The following ARMC3 variants were observed in gnomAD, a reference collection of about 807,000 sequenced individuals.
ARMC3 encodes armadillo repeat containing 3.
ARMC3 carries 74 observed loss-of-function variants against 90.3 expected under a neutral mutation model. The observed-to-expected ratio is 0.82, with a 90% CI of 0.68 to 0.99. ARMC3 has a LOEUF of 0.99. Ranked by LOEUF, ARMC3 falls within the 50% of genes least tolerant of loss-of-function variation. The pLI is 0.00. For missense variants in ARMC3, 958 were observed against 1,042.8 expected (o/e 0.92, Z 1.12); for synonymous variants, 334 against 361.8 (o/e 0.92, Z 0.87).
At chr10:22,966,383 A>G (rs530153635) in intron 7 of ARMC3, among the ~76,000 whole-genome samples, 1 of 152,322 alleles carries the variant, frequency 6.6e-6, no homozygotes, top group East Asian at 1.9e-4. Flanking sequence ...CACCTAGCAC[A>G]GCTCCCTCTT....
At chr10:23,019,741 C>A (rs12773873) in intron 16 of ARMC3, among the ~76,000 whole-genome samples, 10,236 of 151,986 alleles carry the variant, frequency 0.067, 380 homozygotes, top group South Asian at 0.088. Context: ...TGTAAGGTTT[C>A]GCCATGTTGC....
At chr10:22,978,497 G>A (rs1225831533) in intron 8 of ARMC3, among the ~76,000 whole-genome samples, 1 of 152,144 alleles carries the variant, frequency 6.6e-6, no homozygotes, top group Non-Finnish European at 1.5e-5. Flanking sequence ...TACGAGAACT[G>A]CAATTCAAGA....
At chr10:22,939,572 T>C (rs1310953574) in intron 2 of ARMC3, among the ~76,000 whole-genome samples, 1 of 152,164 alleles carries the variant, frequency 6.6e-6, no homozygotes, top group Non-Finnish European at 1.5e-5. Flanking sequence ...CTGCCCTACC[T>C]AATAAAGCTT....
intron 1 of ARMC3, among the ~76,000 whole-genome samples, chr10:22,930,738 A>G (rs1833896018): frequency 6.6e-6 from 1 of 152,172 alleles, no homozygotes. Context: ...ATTCTCCCCA[A>G]GGATTTTCTA....
In ARMC3 at chr10:22,961,882, A is replaced by C. The variant is rs1835210228; in HGVS notation, c.538-2A>C. On this transcript the variant is annotated splice_acceptor_variant, in intron 6 of 18. Transcript: ENST00000298032. LOFTEE classifies it high-confidence loss of function. ...TTATTGATCATCTGTATTTTGTGGC[A>C]GGATTTTCAGTGTCGAGCTAAACTT... 1 of 1,590,624 alleles carries C rather than the reference A, an allele frequency of 6.3e-7. No individual in the cohort carries two copies. The highest frequency in any genetic ancestry group is 8.5e-7 in the Non-Finnish European group (1 of 1,172,184).
intron 6 of ARMC3, 182 bp from the exon 7 acceptor site, chr10:22,961,702 A>T: frequency 1.8e-6 from 1 of 561,192 alleles, no homozygotes; most frequent in Non-Finnish European, 3.1e-6. Context: ...TATTACAGTT[A>T]AAATAAATTT....
intron 10 of ARMC3, chr10:22,997,274 T>G (rs1396157668): frequency 6.6e-6 from 1 of 152,220 alleles, no homozygotes; most frequent in Admixed American, 6.5e-5. Context: ...CCTTCCACCC[T>G]GGCTTCATCT....
Position 22,981,670 on chromosome 10 carries a change from A to C in ARMC3, c.1145A>C (p.Asn382Thr). ...VREAAALALA[N>T]LTTCNPANAN... ...GAAGCAGCAGCTCTAGCCCTGGCAA[A>C]CCTAACCACTTGCAACCCTGCTAAT... The change falls in exon 10 of 19, where the codon AAC (asparagine) becomes ACC (threonine). Residue 382 changes from asparagine (N) to threonine (T), a missense_variant. Transcript: ENST00000298032. The C allele has an allele frequency of 6.2e-7, 1 of 1,614,018 alleles. No homozygotes were observed. The highest frequency in any genetic ancestry group is 1.1e-5 in the South Asian group (1 of 91,014).
At chr10:23,002,546 TTC>T (rs1354336297) in intron 12 of ARMC3, among the ~76,000 whole-genome samples, 3 of 87,894 alleles carry the variant, frequency 3.4e-5, no homozygotes, top group East Asian at 6.5e-4. Flanking sequence ...TTCATTTCTT[TTC>T]TCTTTCTTTC....
intron 3 of ARMC3, among the ~76,000 whole-genome samples, chr10:22,953,208 C>G (rs1834801526): frequency 6.6e-6 from 1 of 152,062 alleles, no homozygotes; most frequent in Non-Finnish European, 1.5e-5. Context: ...CCAAGGAATG[C>G]TACCTGGAAA....
rs1477781880 is a variant in ARMC3, at chr10:23,006,975, C to T, written c.1823C>T (p.Ser608Phe). The change falls in exon 14 of 19, where the codon TCT (serine) becomes TTT (phenylalanine). Residue 608 changes from serine to phenylalanine, a missense_variant. Coordinates refer to ENST00000298032, the MANE Select transcript of ARMC3 (RefSeq NM_173081.5). ...LRAVLLINSK[S>F]YVSPPSSMED... Reference sequence around the variant, plus strand: ...GCTGTACTCTTAATCAACAGTAAATCTTACGTGTGAGTCTCTGCAGGGAGA... The same window carrying T: ...GCTGTACTCTTAATCAACAGTAAATTTTACGTGTGAGTCTCTGCAGGGAGA... 6.2e-7 allele frequency: 1 copy of T among 1,604,918 alleles called. No individual in the cohort carries two copies. Among genetic ancestry groups the T allele is most frequent in the African/African-American group, 1.3e-5 (1 of 74,468 alleles).
At chr10:22,978,186 T>C (rs1171594767) in intron 8 of ARMC3, among the ~76,000 whole-genome samples, 1 of 152,262 alleles carries the variant, frequency 6.6e-6, no homozygotes, top group Non-Finnish European at 1.5e-5. Flanking sequence ...TCTTGTTGTA[T>C]TAGTCTGTTC....
intron 16 of ARMC3, among the ~76,000 whole-genome samples, chr10:23,014,903 A>AAAAAAAC (rs1838207145): frequency 7.2e-6 from 1 of 139,574 alleles, no homozygotes; most frequent in Non-Finnish European, 1.5e-5. Context: ...AAAAAAAAAA[A>AAAAAAAC]AAAAAACCCC....
At chr10:22,988,012 A>G (rs1421126330) in intron 10 of ARMC3, among the ~76,000 whole-genome samples, 2 of 152,172 alleles carry the variant, frequency 1.3e-5, no homozygotes, top group Non-Finnish European at 2.9e-5. Context: ...TAAGCAGTAC[A>G]CTCCAAAGGG....
chr10:22,967,209 T>C (rs966372182), intron 7 of ARMC3, among the ~76,000 whole-genome samples: 1 of 152,132 alleles, frequency 6.6e-6, no homozygotes, highest in African/African-American at 2.4e-5. Flanking sequence ...GGTCCACCCA[T>C]ATCATGGAGG....
rs562377352 is a variant in ARMC3 at position 23,011,055 on chromosome 10, C to A, written c.2045+2124C>A. On this transcript the variant is annotated intron_variant, in intron 16 of 18. Transcript: ENST00000298032. ...CTCCTCTCTCCTTCCCTTTCCTTTC[C>A]ATTCCTTGTCCTTTTCTTTGTTTTG... is the stretch of plus-strand genomic sequence containing the variant. 1.1e-3 allele frequency among the ~76,000 whole-genome samples: 168 copies of A among 151,068 alleles called. 1 individual carries two copies. The highest frequency in any genetic ancestry group is 4.0e-3 in the African/African-American group (166 of 41,118).
At chr10:23,023,742 T>A (rs183475100) in intron 16 of ARMC3, among the ~76,000 whole-genome samples, 1 of 151,944 alleles carries the variant, frequency 6.6e-6, no homozygotes, top group Admixed American at 6.5e-5. Context: ...AAAATGGAGA[T>A]GATAGATGAT....
intron 11 of ARMC3, among the ~76,000 whole-genome samples, chr10:23,001,642 C>T (rs565261780): frequency 6.6e-6 from 1 of 152,242 alleles, no homozygotes; most frequent in East Asian, 1.9e-4. Context: ...CACGGGTGGG[C>T]AGTGAGAAGA....
intron 7 of ARMC3, among the ~76,000 whole-genome samples, chr10:22,963,887 TCACACA>T (rs1218675914): frequency 0.011 from 368 of 33,784 alleles, 2 homozygotes; most frequent in African/African-American, 0.023. Flanking sequence ...AGACTCTGTC[TCACACA>T]CACACACACA....
Sources: gnomAD v4.1 joint callset for allele counts (sites outside exome capture counted in the v4.1 genomes callset) on GRCh38, gnomAD v4.1.1 for gene constraint, MANE v1.5 for transcripts, NCBI Gene and HGNC (gene_info 2026-07-23, HGNC 2026-07-21) for gene names.